The following BST1 variants were observed in gnomAD, a reference collection of about 807,000 sequenced individuals.
BST1 encodes the protein bone marrow stromal cell antigen 1.
Under a neutral mutation model 40.6 loss-of-function variants are expected in BST1, and 49 were observed. The ratio of observed to expected loss-of-function variants is 1.21; its 90% CI spans 0.96 to 1.53. The LOEUF (loss-of-function observed/expected upper bound fraction) is 1.53. Ranked by LOEUF, BST1 falls within the 40% of genes most tolerant of loss-of-function variation. BST1 has a pLI of 0.00. For missense variants in BST1, 423 were observed against 395.9 expected (o/e 1.07, Z -0.58); for synonymous variants, 157 against 159.3 (o/e 0.99, Z 0.11).
chr4:15,762,188 CAAAAAAAAAAAAAAAAAAAA>C, the BST1 span, among the ~76,000 whole-genome samples: 1 of 61,238 alleles, frequency 1.6e-5, no homozygotes, highest in Admixed American at 2.4e-4. Flanking sequence ...GACTCCATCT[CAAAAAAAAAAAAAAAAAAAA>C]AAAAAAAAAT....
chr4:15,729,864 T>C (rs1309831998), intron 8 of BST1, among the ~76,000 whole-genome samples: 1 of 152,086 alleles, frequency 6.6e-6, no homozygotes, highest in Admixed American at 6.6e-5. Context: ...TCTGAGAAAG[T>C]AAACTCCAAG....
At chr4:15,713,205 T>TC (rs1160972587) in intron 4 of BST1, among the ~76,000 whole-genome samples, 3 of 124,808 alleles carry the variant, frequency 2.4e-5, no homozygotes, top group African/African-American at 8.8e-5. Context: ...AATATTTTCA[T>TC]CTTTTTTTTT....
chr4:15,730,443 G>A lies in BST1; in HGVS notation c.852-1297G>A, dbSNP rs944247250. The stretch of plus-strand genomic sequence containing the variant: ...AACTCTGATCATGTAATAGCCATCA[G>A]TAGGAAACCTGGCTAACACTGTGTT... On this transcript the variant is annotated intron_variant, in intron 8 of 8. Transcript: ENST00000265016. Among the ~76,000 whole-genome samples, 5 of 152,330 alleles carry A rather than the reference G, an allele frequency of 3.3e-5. No homozygotes were observed. In the South Asian group the frequency reaches 8.3e-4, roughly 25 times the overall value.
chr4:15,772,007 GTCTCTCTC>G, the BST1 span, among the ~76,000 whole-genome samples: 41 of 148,862 alleles, frequency 2.8e-4, no homozygotes, highest in Non-Finnish European at 1.5e-4. Flanking sequence ...AACAATGAAG[GTCTCTCTC>G]TCTCTCTCTC....
chr4:15,723,308 G>A (rs552680906), intron 8 of BST1: 72 of 167,040 alleles, frequency 4.3e-4, no homozygotes, highest in South Asian at 3.0e-3. Context: ...GTGCAGTGGC[G>A]CAATCTCGGC....
At chr4:15,770,487 C>T in the BST1 span, among the ~76,000 whole-genome samples, 3 of 152,122 alleles carry the variant, frequency 2.0e-5, no homozygotes, top group Admixed American at 6.5e-5. Context: ...GGTGGATCAC[C>T]TGAGGTCAGG....
chr4:15,767,683 G>T, the BST1 span, among the ~76,000 whole-genome samples: 1 of 140,832 alleles, frequency 7.1e-6, no homozygotes, highest in African/African-American at 2.7e-5. Flanking sequence ...TTAGCACACA[G>T]AACACTTTAT....
the BST1 span, among the ~76,000 whole-genome samples, chr4:15,758,024 G>C: frequency 6.6e-6 from 1 of 152,090 alleles, no homozygotes; most frequent in South Asian, 2.1e-4. Flanking sequence ...ATTGTAAATT[G>C]ACAATTTATA....
the BST1 span, among the ~76,000 whole-genome samples, chr4:15,754,309 G>C: frequency 6.6e-5 from 10 of 152,182 alleles, no homozygotes; most frequent in East Asian, 1.9e-3. Context: ...GTGAGGATTA[G>C]TGTGACCCCA....
chr4:15,772,654 T>C, the BST1 span, among the ~76,000 whole-genome samples: 80 of 152,344 alleles, frequency 5.3e-4, no homozygotes, highest in Non-Finnish European at 9.6e-4. Context: ...GCATCTATGT[T>C]ATTCAGCGAG....
chr4:15,735,904 C>T, downstream of BST1: 3 of 313,730 alleles, frequency 9.6e-6, no homozygotes, highest in South Asian at 2.9e-5. Flanking sequence ...CACTTTTTTC[C>T]CGAATATAAG....
chr4:15,748,372 GCA>G, the BST1 span, among the ~76,000 whole-genome samples: 1 of 152,172 alleles, frequency 6.6e-6, no homozygotes, highest in South Asian at 2.1e-4. Context: ...GCAAGGCTGT[GCA>G]CAGTTTCCAG....
chr4:15,724,598 A>G (rs560417859), intron 8 of BST1, among the ~76,000 whole-genome samples: 1 of 152,144 alleles, frequency 6.6e-6, no homozygotes, highest in East Asian at 1.9e-4. Context: ...AGGCAGGAGA[A>G]TCACTTGAAC....
the BST1 span, among the ~76,000 whole-genome samples, chr4:15,750,203 T>G: frequency 6.6e-6 from 1 of 152,154 alleles, no homozygotes; most frequent in East Asian, 1.9e-4. Flanking sequence ...TTTTGTATTT[T>G]TAGTAGAGAT....
chr4:15,757,014 TATTA>T, the BST1 span, among the ~76,000 whole-genome samples: 57 of 152,162 alleles, frequency 3.7e-4, no homozygotes, highest in Non-Finnish European at 4.7e-4. Flanking sequence ...AAGAAATCTA[TATTA>T]GTAAAACCAT....
At chr4:15,744,815 G>A in the BST1 span, among the ~76,000 whole-genome samples, 26 of 152,314 alleles carry the variant, frequency 1.7e-4, no homozygotes, top group Admixed American at 1.5e-3. Context: ...TTTGAAAATC[G>A]TGTTAGAAAC....
At chr4:15,716,833 T>C (rs932933583) in intron 6 of BST1, among the ~76,000 whole-genome samples, 1 of 152,186 alleles carries the variant, frequency 6.6e-6, no homozygotes, top group South Asian at 2.1e-4. Flanking sequence ...TGGAGTGCAG[T>C]GGCGAGATGT....
downstream of BST1, among the ~76,000 whole-genome samples, chr4:15,736,342 G>A (rs1413815408): frequency 3.9e-5 from 6 of 152,190 alleles, 1 homozygote; most frequent in South Asian, 4.1e-4. Flanking sequence ...TCAAGAAGCC[G>A]GGCGCAGTGG....
the BST1 span, among the ~76,000 whole-genome samples, chr4:15,748,189 A>G: frequency 6.6e-6 from 1 of 152,148 alleles, no homozygotes; most frequent in East Asian, 1.9e-4. Flanking sequence ...GTGCTTTCCC[A>G]ATTCCTGACA....
Sources: gnomAD v4.1 joint callset for allele counts (sites outside exome capture counted in the v4.1 genomes callset) on GRCh38, gnomAD v4.1.1 for gene constraint, MANE v1.5 for transcripts, NCBI Gene and HGNC (gene_info 2026-07-23, HGNC 2026-07-21) for gene names.